Variants in B4GALNT4 observed in about 807,000 individuals in gnomAD.
The protein encoded by B4GALNT4 is N-acetyl-beta-glucosaminyl-glycoprotein 4-beta-N-acetylgalactosaminyltransferase 1.
Under a neutral mutation model 110.0 loss-of-function variants are expected in B4GALNT4, and 77 were observed. That is an observed-to-expected ratio of 0.70 (90% CI 0.58 to 0.85). B4GALNT4 has a LOEUF of 0.85. Ranked by LOEUF, B4GALNT4 falls within the 40% of genes least tolerant of loss-of-function variation. The pLI, the probability that B4GALNT4 is intolerant of heterozygous loss-of-function variation, is 0.00. For missense variants in B4GALNT4, 1,575 were observed against 1,506.0 expected, an observed-to-expected ratio of 1.05 and a Z score of -0.76; for synonymous variants, 785 against 655.5, an observed-to-expected ratio of 1.20 and a Z score of -3.02.
chr11:381,599 C>T lies in B4GALNT4; in HGVS notation c.2997-70C>T, dbSNP rs1846877299. The T allele has an allele frequency of 6.7e-6, 9 of 1,341,142 alleles. No homozygotes were observed. The South Asian group carries it at 1.2e-4, about 18-fold the overall frequency. 83.1% of individuals were successfully genotyped at this position (1,341,142 alleles called of 1,614,324 possible). A position where few individuals can be genotyped will look rare whatever the true frequency, so the allele number is the denominator to read the frequency against. Reference sequence around the variant, plus strand: ...TTCCTGACCACCTCTCCGCCCCCGGCCCCGGGGTCCTGACCACCTCTCCGT... The same window carrying T: ...TTCCTGACCACCTCTCCGCCCCCGGTCCCGGGGTCCTGACCACCTCTCCGT... On this transcript the variant is annotated intron_variant, in intron 19 of 19. Transcript: ENST00000329962.
At chr11:372,071 A>G (rs1400711177) in intron 1 of B4GALNT4, 38 bp from the exon 2 acceptor site, 1 of 1,512,190 alleles carries the variant, frequency 6.6e-7, no homozygotes, top group East Asian at 2.5e-5. Context: ...CCTTGGAGAG[A>G]GCCTGGGCCC....
intron 18 of B4GALNT4, 150 bp downstream of exon 18, chr11:380,595 C>A: frequency 7.8e-7 from 1 of 1,288,288 alleles, no homozygotes; most frequent in Non-Finnish European, 1.1e-6. Flanking sequence ...AGTCCCCCCG[C>A]ACCAGCACAC....
At chr11:372,394 C>T (rs539101773) in intron 2 of B4GALNT4, among the ~76,000 whole-genome samples, 182 bp downstream of exon 2, 2 of 152,214 alleles carry the variant, frequency 1.3e-5, no homozygotes, top group South Asian at 4.1e-4. Context: ...CTGTCTGGAG[C>T]TCTGTGTCTG....
rs369548835 is a variant in B4GALNT4, at chr11:379,521, C to T, written c.2308C>T (p.Arg770Cys). ...GGAGCTGCAGGAGCGCGGGGGCGGC[C>T]GCCTGCGACTGTCCGAGTACGTCTT... ...ELELQERGGG[R>C]LRLSEYVFLR... The change falls in exon 15 of 20, where the codon CGC (arginine) becomes TGC (cysteine). Residue 770 changes from arginine to cysteine, a missense_variant. Coordinates refer to ENST00000329962, the MANE Select transcript of B4GALNT4 (RefSeq NM_178537.5). The T allele has an allele frequency of 9.5e-6, 15 of 1,579,620 alleles. 1 individual carries two copies. The highest frequency in any genetic ancestry group is 6.8e-5 in the South Asian group (6 of 88,372).
At position 376,262 on chromosome 11, in the gene B4GALNT4, A is replaced by G; in HGVS notation, c.1208A>G (p.Tyr403Cys). ...CCGCCGCGCCCCAGGTTTGGGTTCT[A>G]TAAATACATGAAGATGGACAAGGAG... ...SPLYLERFGF[Y>C]KYMKMDKEEG... The change falls in exon 13 of 20, where the codon TAT becomes TGT. Residue 403 changes from tyrosine to cysteine, a missense_variant. By Grantham distance (194) the Tyr-to-Cys change is radical. Coordinates refer to ENST00000329962, the MANE Select transcript of B4GALNT4 (RefSeq NM_178537.5). 1 of 1,609,424 alleles carries G rather than the reference A, an allele frequency of 6.2e-7. No homozygotes were observed. The highest frequency in any genetic ancestry group is 8.5e-7 in the Non-Finnish European group (1 of 1,177,872).
chr11:369,869 G>C lies in B4GALNT4; in HGVS notation c.66G>C (p.Leu22=). ...AGCTGCTGCTGCTGCTGCTGCTGCT[G>C]AGCTGCGCCGCGTGGCTCACCTACG... The part of the protein sequence containing the change: ...QMKLLLLLLL[L]SCAAWLTYVH... The change falls in exon 1 of 20, where the codon CTG becomes CTC. Residue 22 remains leucine (L), a synonymous_variant. Coordinates refer to ENST00000329962, the MANE Select transcript of B4GALNT4 (RefSeq NM_178537.5). The C allele has an allele frequency of 2.0e-6, 2 of 997,138 alleles. No homozygotes were observed. Among genetic ancestry groups the C allele is most frequent in the East Asian group, 9.4e-5 (1 of 10,638 alleles). The allele number at this position is 997,138 out of a possible 1,614,324, so 61.8% of individuals were successfully genotyped here.
rs763315269 is a variant in B4GALNT4, at chr11:381,651, C to T, written c.2997-18C>T. ...CCCAACCCCGGGGTCCTGACCACCT[C>T]TCTGCCCCCGGCCCCAGGGTCCTGC... On this transcript the variant is annotated intron_variant, in intron 19 of 19. Transcript: ENST00000329962. 1 of 1,574,556 alleles carries T rather than the reference C, an allele frequency of 6.4e-7. No individual in the cohort carries two copies. The highest frequency in any genetic ancestry group is 1.9e-5 in the Admixed American group (1 of 53,244).
At chr11:379,346 C>T in intron 14 of B4GALNT4, 72 bp from the exon 15 acceptor site, 3 of 1,396,534 alleles carry the variant, frequency 2.1e-6, no homozygotes, top group Non-Finnish European at 2.8e-6. Flanking sequence ...TTTCTGTGGC[C>T]AGGGCGGACC....
chr11:379,708 AGGGCGGGCTCG>A lies in B4GALNT4; in HGVS notation c.2488+11_2488+21del. On this transcript the variant is annotated splice_region_variant and intron_variant, in intron 15 of 19. Transcript: ENST00000329962. ...GTTCACTTCATCGTGCCAGGTTCGC[AGGGCGGGCTCG>A]GGGTGTCCGGGAGACCTCGTGGAAG... The A allele has an allele frequency of 6.7e-7, 1 of 1,500,858 alleles. No individual in the cohort carries two copies. The highest frequency in any genetic ancestry group is 8.9e-7 in the Non-Finnish European group (1 of 1,127,700). 93.0% of individuals were successfully genotyped at this position (1,500,858 alleles called of 1,614,324 possible). A position where few individuals can be genotyped will look rare whatever the true frequency, so the allele number is the denominator to read the frequency against.
chr11:378,329 G>A lies in B4GALNT4; in HGVS notation c.2204+1002G>A, dbSNP rs138144736. Among the ~76,000 whole-genome samples the A allele has an allele frequency of 9.8e-4, 150 of 152,330 alleles. No homozygotes were observed. The Middle Eastern group carries it at 0.017, about 17-fold the overall frequency. ...TGACTGACAGCCTGGAGCCCTGGGC[G>A]GTGGGTGCTGGATTCTAGGTGGCTC... On this transcript the variant is annotated intron_variant, in intron 14 of 19. Transcript: ENST00000329962.
intron 12 of B4GALNT4, 34 bp from the exon 13 acceptor site, chr11:376,217 C>CG: frequency 1.5e-6 from 1 of 648,442 alleles, no homozygotes; most frequent in Admixed American, 2.2e-5. Flanking sequence ...GTGGGCGGGG[C>CG]GGGACTCGGC....
At position 379,529 on chromosome 11, in the gene B4GALNT4, A is replaced by T. The variant is rs1456887535; in HGVS notation, c.2316A>T (p.Arg772=). The T allele has an allele frequency of 9.4e-6, 15 of 1,587,454 alleles. No homozygotes were observed. The highest frequency in any genetic ancestry group is 1.2e-5 in the Non-Finnish European group (14 of 1,171,192). ...AGGAGCGCGGGGGCGGCCGCCTGCG[A>T]CTGTCCGAGTACGTCTTCCTGCGGC... ...ELQERGGGRL[R]LSEYVFLRLP... The change falls in exon 15 of 20, where the codon CGA becomes CGT. Residue 772 remains arginine, a synonymous_variant. Transcript: ENST00000329962.
At position 375,691 on chromosome 11, in the gene B4GALNT4, C is replaced by T; in HGVS notation, c.903C>T (p.Ala301=). The T allele has an allele frequency of 6.3e-7, 1 of 1,594,432 alleles. No homozygotes were observed. Among genetic ancestry groups the T allele is most frequent in the African/African-American group, 1.3e-5 (1 of 74,894 alleles). The part of the protein sequence containing the change: ...DHVAHVPQSP[A]SHVGGRPPQE... ...TGGCGCACGTCCCCCAGTCTCCAGCCAGCCACGTGGGGGGGCGTCCGCCGC... is the reference window on the plus strand; with the variant it reads ...TGGCGCACGTCCCCCAGTCTCCAGCTAGCCACGTGGGGGGGCGTCCGCCGC... The change falls in exon 10 of 20, where the codon GCC becomes GCT. Residue 301 remains alanine, a synonymous_variant. Transcript: ENST00000329962.
chr11:380,097 C>T (rs777309305), intron 16 of B4GALNT4, 33 bp from the exon 17 acceptor site: 1 of 1,592,592 alleles, frequency 6.3e-7, no homozygotes, highest in Non-Finnish European at 8.6e-7. Context: ...GACCCCACCC[C>T]CAGAGATCGT....
chr11:380,124 C>G lies in B4GALNT4; in HGVS notation c.2643-6C>G, dbSNP rs1484202738. 6.2e-7 allele frequency: 1 copy of G among 1,600,852 alleles called. No homozygotes were observed. Among genetic ancestry groups the G allele is most frequent in the African/African-American group, 1.3e-5 (1 of 74,676 alleles). On this transcript the variant is annotated splice_region_variant and splice_polypyrimidine_tract_variant and intron_variant, in intron 16 of 19. Transcript: ENST00000329962. ...AGAGATCGTGCCTGTGACTCGCCCT[C>G]CCCAGGTACCAGTACCTGAGACGAA...
rs35951843 is a variant in B4GALNT4 at position 380,920 on chromosome 11, T to TG, written c.2972dup (p.Glu992Ter). ...GAACACGGAGGAGTTCCGAGACCAGTGGGGGGGTGAAGACTGGGAGCTCCT... is the reference window on the plus strand; with the variant it reads ...GAACACGGAGGAGTTCCGAGACCAGTGGGGGGGGTGAAGACTGGGAGCTCCT... On this transcript the variant is annotated frameshift_variant, in exon 19 of 20. Transcript: ENST00000329962. LOFTEE classifies it high-confidence loss of function. 27 of 1,613,064 alleles carry TG rather than the reference T, an allele frequency of 1.7e-5. No individual in the cohort carries two copies. The highest frequency in any genetic ancestry group is 1.1e-5 in the South Asian group (1 of 91,006).
At position 376,406 on chromosome 11, in the gene B4GALNT4, C is replaced by G; in HGVS notation, c.1298-15C>G. The G allele has an allele frequency of 6.2e-7, 1 of 1,600,924 alleles. No individual in the cohort carries two copies. Among genetic ancestry groups the G allele is most frequent in the Non-Finnish European group, 8.5e-7 (1 of 1,177,920 alleles). ...CCCACCTGCGCAGGGAGCTTCTAAC[C>G]CGCGTTTCCCGCAGACTTCCTGGAC... On this transcript the variant is annotated splice_polypyrimidine_tract_variant and intron_variant, in intron 13 of 19. Transcript: ENST00000329962.
Position 372,701 on chromosome 11 carries a change from G to T in B4GALNT4, c.295G>T (p.Ala99Ser). 6.2e-7 allele frequency: 1 copy of T among 1,611,546 alleles called. No individual in the cohort carries two copies. Among genetic ancestry groups the T allele is most frequent in the Non-Finnish European group, 8.5e-7 (1 of 1,179,628 alleles). Residue 99 changes from alanine to serine, a missense_variant, in exon 3 of 20, where the codon GCT (alanine) becomes TCT (serine). Transcript: ENST00000329962. ...RDLDMLFPGG[A>S]GRLPLNFTHQ... ...CCTAGACATGCTGTTTCCTGGGGGG[G>T]CTGGGAGGCTGCCACTGAACTTCAC...
chr11:370,481 T>G (rs1846597772), intron 1 of B4GALNT4, among the ~76,000 whole-genome samples: 1 of 151,986 alleles, frequency 6.6e-6, no homozygotes, highest in Non-Finnish European at 1.5e-5. Context: ...GCCAGTGTTG[T>G]GGGGGTCCAT....
Sources: gnomAD v4.1 joint callset for allele counts (sites outside exome capture counted in the v4.1 genomes callset) on GRCh38, gnomAD v4.1.1 for gene constraint, MANE v1.5 for transcripts, NCBI Gene and HGNC (gene_info 2026-07-23, HGNC 2026-07-21) for gene names.